The following PDXDC1 variants were observed in gnomAD, a reference collection of about 807,000 sequenced individuals.
PDXDC1 encodes the protein pyridoxal-dependent decarboxylase domain-containing protein 1.
A neutral mutation model predicts 100.1 loss-of-function variants in PDXDC1; 42 were observed. That is an observed-to-expected ratio of 0.42 (90% confidence interval 0.33 to 0.54). The LOEUF (loss-of-function observed/expected upper bound fraction) is 0.54, where lower values mean the gene tolerates loss of function less well. Among genes scored for constraint, PDXDC1 ranks in the 20% least tolerant of loss-of-function variants. The probability of loss-of-function intolerance (pLI) is 0.10; values close to 1 mark genes in which losing one functional copy is unlikely to be tolerated. For synonymous variants in PDXDC1, 260 were observed against 371.7 expected, an observed-to-expected ratio of 0.70 and a Z score of 3.46; for missense variants, 636 against 979.2, an observed-to-expected ratio of 0.65 and a Z score of 4.68.
chr16:15,135,961 C>T (rs935550534), intron 16 of PDXDC1: 102 of 1,575,676 alleles, frequency 6.5e-5, no homozygotes, highest in Non-Finnish European at 7.7e-5. Context: ...CCACACGCGC[C>T]GGGCACCCCG....
intron 16 of PDXDC1, chr16:15,131,582 G>C (rs1247963358): frequency 1.6e-5 from 26 of 1,605,864 alleles, no homozygotes; most frequent in Admixed American, 3.3e-5. Context: ...GAGCGCGTGA[G>C]GATGCGCATG....
chr16:15,035,236 G>A (rs2043337678), intron 21 of PDXDC1, among the ~76,000 whole-genome samples: 1 of 152,200 alleles, frequency 6.6e-6, no homozygotes, highest in African/African-American at 2.4e-5. Flanking sequence ...GTGTGCTTAC[G>A]CCATACTGCT....
At chr16:15,095,223 C>T (rs1009537693) in intron 16 of PDXDC1, among the ~76,000 whole-genome samples, 1 of 152,060 alleles carries the variant, frequency 6.6e-6, no homozygotes, top group Non-Finnish European at 1.5e-5. Context: ...ACGGAGGAAA[C>T]AGAGGCCAAA....
chr16:15,150,256 G>T, the PDXDC1 span, among the ~76,000 whole-genome samples: 2 of 151,954 alleles, frequency 1.3e-5, no homozygotes, highest in Non-Finnish European at 2.9e-5. Context: ...CAGGAGAATG[G>T]CGTGAACCCA....
rs2043584271 is a variant in PDXDC1 at position 15,037,873 on chromosome 16, T to TTTATTTTGAAAGTCATTTGATGAAAGTCA, written c.*1601_*1629dup. ...ACAAATGCCTTTGCCAAAATAAGGTTTTATTTTGAAAGTCATTTGATGAAA... is the reference window on the plus strand; with the variant it reads ...ACAAATGCCTTTGCCAAAATAAGGTTTTATTTTGAAAGTCATTTGATGAAAGTCATTATTTTGAAAGTCATTTGATGAAA... On this transcript the variant is annotated 3_prime_UTR_variant, in exon 23 of 23. Transcript: ENST00000396410. The TTTATTTTGAAAGTCATTTGATGAAAGTCA allele has an allele frequency of 1.8e-6, 1 of 544,748 alleles. No homozygotes were observed. Among genetic ancestry groups the TTTATTTTGAAAGTCATTTGATGAAAGTCA allele is most frequent in the Non-Finnish European group, 3.2e-6 (1 of 309,680 alleles). The allele number at this position is 544,748 out of a possible 1,614,324, so 33.7% of individuals were successfully genotyped here.
downstream of PDXDC1, among the ~76,000 whole-genome samples, chr16:15,043,143 G>T (rs1329127432): frequency 1.3e-5 from 2 of 151,806 alleles, no homozygotes; most frequent in Non-Finnish European, 2.9e-5. Context: ...CAAGTGATCG[G>T]CCTGCCTTGA....
At chr16:15,123,399 AACAAATGATGGC>A (rs1292900053) in intron 16 of PDXDC1, 1 of 1,060,668 alleles carries the variant, frequency 9.4e-7, no homozygotes, top group Non-Finnish European at 1.4e-6. Flanking sequence ...AAACATAAAA[AACAAATGATGGC>A]AGGATGGCAG....
intron 16 of PDXDC1, chr16:15,131,620 G>C: frequency 8.1e-6 from 13 of 1,600,086 alleles, no homozygotes; most frequent in Non-Finnish European, 1.1e-5. Context: ...GTAGGCCTGG[G>C]ACGCCACCAT....
At chr16:15,001,330 A>T (rs1262548037) in intron 3 of PDXDC1, among the ~76,000 whole-genome samples, 1 of 152,268 alleles carries the variant, frequency 6.6e-6, no homozygotes, top group Non-Finnish European at 1.5e-5. Context: ...CTCTACTAAA[A>T]ATACAAAAAT....
At chr16:15,059,197 C>T (rs2044627819) in intron 16 of PDXDC1, among the ~76,000 whole-genome samples, 1 of 152,130 alleles carries the variant, frequency 6.6e-6, no homozygotes, top group African/African-American at 2.4e-5. Context: ...GTGACGTGAG[C>T]CTGGGCATCC....
intron 1 of PDXDC1, among the ~76,000 whole-genome samples, chr16:14,984,107 G>A (rs1229328664): frequency 6.6e-6 from 1 of 152,190 alleles, no homozygotes; most frequent in Non-Finnish European, 1.5e-5. Context: ...AGGCTGCAGG[G>A]AGCCACGATA....
intron 16 of PDXDC1, among the ~76,000 whole-genome samples, chr16:15,064,743 T>A (rs574744547): frequency 1.6e-4 from 24 of 152,350 alleles, no homozygotes; most frequent in African/African-American, 4.6e-4. Context: ...CTGCTAGGCA[T>A]CCTCTACTTT....
chr16:15,042,522 G>A (rs1452990276), downstream of PDXDC1, among the ~76,000 whole-genome samples: 1 of 151,948 alleles, frequency 6.6e-6, no homozygotes, highest in Non-Finnish European at 1.5e-5. Flanking sequence ...CTTGTGCATA[G>A]GTATTTTCCC....
rs1405869277 is a variant in PDXDC1 at position 15,073,191 on chromosome 16, C to T, written c.1399+43135C>T. 8 of 1,237,432 alleles carry T rather than the reference C, an allele frequency of 6.5e-6. No homozygotes were observed. The Admixed American group carries it at 1.6e-4, about 24-fold the overall frequency. 76.7% of individuals were successfully genotyped at this position (1,237,432 alleles called of 1,614,324 possible). A position where few individuals can be genotyped will look rare whatever the true frequency, so the allele number is the denominator to read the frequency against. ...TAAAAAACAACATTATCCAGCCAAG[C>T]ACAGTGGCTCCTGCCTGCAATCCCA... On this transcript the variant is annotated intron_variant, in intron 16 of 16. Coordinates refer to the PDXDC1 transcript ENST00000535621.
chr16:15,089,360 T>C (rs2046028404), intron 16 of PDXDC1, among the ~76,000 whole-genome samples: 1 of 151,794 alleles, frequency 6.6e-6, no homozygotes, highest in Non-Finnish European at 1.5e-5. Context: ...CAGACACAAA[T>C]ATATTAGGAC....
Position 15,038,227 on chromosome 16 carries a change from G to T in PDXDC1, c.*1952G>T, listed in dbSNP as rs750622206. The T allele has an allele frequency of 3.1e-6, 5 of 1,606,930 alleles. No homozygotes were observed. The highest frequency in any genetic ancestry group is 1.3e-5 in the African/African-American group (1 of 74,730). Reference sequence around the variant, plus strand: ...GGAAAGATTCTGAAAACACAAGATGGTGGGCATTAGAGAAGCCAACCTTAC... The same window carrying T: ...GGAAAGATTCTGAAAACACAAGATGTTGGGCATTAGAGAAGCCAACCTTAC... On this transcript the variant is annotated 3_prime_UTR_variant, in exon 23 of 23. Coordinates refer to ENST00000396410, the MANE Select transcript of PDXDC1 (RefSeq NM_015027.4).
intron 1 of PDXDC1, among the ~76,000 whole-genome samples, chr16:14,983,812 T>G (rs1226283725): frequency 6.6e-6 from 1 of 152,266 alleles, no homozygotes; most frequent in African/African-American, 2.4e-5. Context: ...CCATTTTAAT[T>G]ATATAGTTTG....
chr16:15,089,604 T>C (rs75793119), intron 16 of PDXDC1, among the ~76,000 whole-genome samples: 1 of 148,766 alleles, frequency 6.7e-6, no homozygotes, highest in East Asian at 2.1e-4. Context: ...ATCGAGACCA[T>C]CCTGGCTAAC....
chr16:15,076,749 G>A, intron 16 of PDXDC1: 2 of 781,548 alleles, frequency 2.6e-6, no homozygotes, highest in Admixed American at 2.1e-5. Context: ...TGTTCAAGGT[G>A]TCCAGATTAG....
Sources: gnomAD v4.1 joint callset for allele counts (sites outside exome capture counted in the v4.1 genomes callset) on GRCh38, gnomAD v4.1.1 for gene constraint, MANE v1.5 for transcripts, NCBI Gene and HGNC (gene_info 2026-07-23, HGNC 2026-07-21) for gene names.